Variants in STS observed in about 807,000 individuals in gnomAD.
The protein encoded by STS is steroid sulfatase.
In STS, 7 loss-of-function variants were observed where a neutral mutation model predicts 26.8. That is an observed-to-expected ratio of 0.26 (90% CI 0.15 to 0.49). The LOEUF (loss-of-function observed/expected upper bound fraction) is 0.49. Among genes scored for constraint, STS ranks in the 20% least tolerant of loss-of-function variants. The pLI is 0.98. For synonymous variants in STS, 199 were observed against 189.4 expected (o/e 1.05, Z -0.42); for missense variants, 434 against 465.6 (o/e 0.93, Z 0.63).
At chrX:7,336,653 G>A in intron 10 of STS, among the ~76,000 whole-genome samples, 1 of 112,114 alleles carries the variant, frequency 8.9e-6, no homozygotes, top group East Asian at 2.8e-4. Flanking sequence ...TCAGTTTATA[G>A]CATCAACTTC....
chrX:7,272,513 C>G (rs770842349), intron 6 of STS, among the ~76,000 whole-genome samples: 2 of 111,480 alleles, frequency 1.8e-5, no homozygotes, highest in Non-Finnish European at 3.8e-5. Context: ...CTAGAGCAAC[C>G]GTTACATAAA....
chrX:7,288,195 T>C (rs1429817665), intron 7 of STS, among the ~76,000 whole-genome samples: 1 of 110,094 alleles, frequency 9.1e-6, no homozygotes, highest in Non-Finnish European at 1.9e-5. Context: ...AAAGAGTCTT[T>C]TGCAATAAAT....
At chrX:7,245,438 T>G (rs1922820495) in intron 2 of STS, among the ~76,000 whole-genome samples, 2 of 112,430 alleles carry the variant, frequency 1.8e-5, no homozygotes, top group South Asian at 7.3e-4. Context: ...GTGGCTTTCT[T>G]TGATACTTGC....
At chrX:7,304,324 A>G (rs774780292) in intron 7 of STS, among the ~76,000 whole-genome samples, 1 of 111,772 alleles carries the variant, frequency 8.9e-6, no homozygotes, top group Non-Finnish European at 1.9e-5. Flanking sequence ...ACAGTGCTCA[A>G]CAGAGGGTAG....
At chrX:7,217,692 AT>A (rs773355058) in intron 2 of STS, among the ~76,000 whole-genome samples, 1 of 111,072 alleles carries the variant, frequency 9.0e-6, no homozygotes, top group African/African-American at 3.3e-5. Flanking sequence ...AGAGAAAAAT[AT>A]TTTTCAAATC....
At chrX:7,254,704 C>T (rs1010364640) in intron 3 of STS, among the ~76,000 whole-genome samples, 2 of 107,328 alleles carry the variant, frequency 1.9e-5, no homozygotes, top group Non-Finnish European at 3.8e-5. Context: ...CTGCCTCAGC[C>T]TCTTGAGTAG....
chrX:7,280,580 T>C (rs5934905), intron 7 of STS, among the ~76,000 whole-genome samples: 39,826 of 111,017 alleles, frequency 0.36, 5,286 homozygotes, highest in East Asian at 0.4. Context: ...GCTGTTTCTC[T>C]TCCTTTGGAA....
chrX:7,201,920 G>C (rs1291463783), intron 2 of STS, among the ~76,000 whole-genome samples: 1 of 110,822 alleles, frequency 9.0e-6, no homozygotes, highest in Non-Finnish European at 1.9e-5. Flanking sequence ...AATCCACGAT[G>C]CTCATAATGG....
In STS at chrX:7,240,930, T is replaced by C. The variant is rs754981767; in HGVS notation, c.-4-12266T>C. ...GAAACCATGCCTGTCATCCCTAGTG[T>C]CCTCAATCTCTGCTTCATCACTTCT... is the stretch of plus-strand genomic sequence containing the variant. On this transcript the variant is annotated intron_variant, in intron 2 of 10. Transcript: ENST00000674429. 8.1e-4 allele frequency among the ~76,000 whole-genome samples: 90 copies of C among 110,867 alleles called. 1 individual carries two copies. The highest frequency in any genetic ancestry group is 2.9e-3 in the African/African-American group (87 of 30,448).
chrX:7,192,076 G>C (rs1301882626), intron 2 of STS, among the ~76,000 whole-genome samples: 1 of 112,009 alleles, frequency 8.9e-6, no homozygotes, highest in Non-Finnish European at 1.9e-5. Flanking sequence ...AGCATTTATG[G>C]TCCCCCATAG....
At chrX:7,269,630 G>C (rs1490833460) in intron 6 of STS, among the ~76,000 whole-genome samples, 1 of 110,568 alleles carries the variant, frequency 9.0e-6, no homozygotes, top group African/African-American at 3.3e-5. Flanking sequence ...TATATTTCTG[G>C]TGCCTGGTAT....
chrX:7,316,427 A>C (rs759295567), intron 8 of STS, among the ~76,000 whole-genome samples: 22 of 112,071 alleles, frequency 2.0e-4, no homozygotes, highest in Non-Finnish European at 3.2e-4. Context: ...TCATTTGTGG[A>C]TGTCTCATTC....
chrX:7,289,056 C>A (rs1925283916), intron 7 of STS, among the ~76,000 whole-genome samples: 1 of 111,663 alleles, frequency 9.0e-6, no homozygotes, highest in Non-Finnish European at 1.9e-5. Context: ...ACATGAGGTC[C>A]TCATGGTGGT....
At chrX:7,182,796 G>T (rs940729323) in intron 1 of STS, among the ~76,000 whole-genome samples, 2 of 111,130 alleles carry the variant, frequency 1.8e-5, no homozygotes, top group African/African-American at 6.6e-5. Context: ...GGACCTTACA[G>T]AAGGGACCTT....
Position 7,352,162 on chromosome X carries a change from T to A in STS, c.*1901T>A, listed in dbSNP as rs571610496. On this transcript the variant is annotated 3_prime_UTR_variant, in exon 11 of 11. Coordinates refer to ENST00000674429, the MANE Select transcript of STS (RefSeq NM_001320752.2). ...TACTGATGCTGTCATGTGGAAACTA[T>A]TTAAAGGCACTATTATAAATTTATC... 85 of 111,872 alleles carry A rather than the reference T, an allele frequency of 7.6e-4. 1 individual carries two copies. The highest frequency in any genetic ancestry group is 2.7e-3 in the African/African-American group (82 of 30,863). The allele number at this position is 111,872 out of a possible 1,213,427, so 9.2% of individuals were successfully genotyped here.
chrX:7,235,924 G>A (rs189792857), intron 2 of STS, among the ~76,000 whole-genome samples: 141 of 111,521 alleles, frequency 1.3e-3, no homozygotes, highest in Non-Finnish European at 2.3e-3. Context: ...CTTTAGATAA[G>A]CTTTGAATTA....
At chrX:7,181,368 T>C (rs12687927) in intron 1 of STS, among the ~76,000 whole-genome samples, 25,552 of 111,726 alleles carry the variant, frequency 0.23, 2,431 homozygotes, top group Admixed American at 0.41. Context: ...CAAAACTCAT[T>C]TGTCGAAGCT....
At chrX:7,230,968 C>T (rs748798333) in intron 2 of STS, among the ~76,000 whole-genome samples, 5 of 111,983 alleles carry the variant, frequency 4.5e-5, no homozygotes, top group Non-Finnish European at 9.4e-5. Flanking sequence ...AAGCCAGATA[C>T]AAAAGGCCTG....
chrX:7,327,115 G>A (rs1262689933), intron 9 of STS, among the ~76,000 whole-genome samples: 1 of 111,733 alleles, frequency 8.9e-6, no homozygotes, highest in Non-Finnish European at 1.9e-5. Context: ...AGTACTCCAA[G>A]CTCACATTCC....
Sources: allele counts gnomAD v4.1 joint callset (sites outside exome capture counted in the v4.1 genomes callset), GRCh38; gene constraint gnomAD v4.1.1; transcripts MANE v1.5; gene names NCBI Gene and HGNC (gene_info 2026-07-23, HGNC 2026-07-21).